MSI2: variants seen among roughly 807,000 people sequenced by gnomAD.
The protein encoded by MSI2 is musashi RNA binding protein 2.
Under a neutral mutation model 45.6 loss-of-function variants are expected in MSI2, and 17 were observed. The ratio of observed to expected loss-of-function variants is 0.37; its 90% confidence interval spans 0.26 to 0.56. The LOEUF (loss-of-function observed/expected upper bound fraction) is 0.56, where lower values mean the gene tolerates loss of function less well. MSI2 is among the 20% of genes least tolerant of loss of function. MSI2 has a pLI of 0.77. For synonymous variants in MSI2, 156 were observed against 158.2 expected (o/e 0.99, Z 0.11); for missense variants, 293 against 444.2 (o/e 0.66, Z 3.06).
At chr17:57,357,024 C>T (rs80122275) in intron 5 of MSI2, among the ~76,000 whole-genome samples, 4,160 of 152,182 alleles carry the variant, frequency 0.027, 90 homozygotes, top group Non-Finnish European at 0.041. Context: ...GCCCAGGGCC[C>T]ATTCAGTAGA....
intron 5 of MSI2, among the ~76,000 whole-genome samples, chr17:57,324,342 G>A (rs1387167901): frequency 2.6e-5 from 4 of 152,174 alleles, no homozygotes; most frequent in African/African-American, 9.7e-5. Flanking sequence ...GCACAGACAG[G>A]AGGCAGCTTT....
intron 8 of MSI2, among the ~76,000 whole-genome samples, chr17:57,606,813 G>T (rs964370015): frequency 1.3e-5 from 2 of 152,044 alleles, no homozygotes; most frequent in African/African-American, 4.8e-5. Flanking sequence ...GCTAGCATCG[G>T]GAAAGGCTTT....
intron 10 of MSI2, among the ~76,000 whole-genome samples, chr17:57,644,400 C>T (rs1419574826): frequency 6.6e-6 from 1 of 152,016 alleles, no homozygotes; most frequent in Non-Finnish European, 1.5e-5. Flanking sequence ...CACTCTCTCC[C>T]CTTTGCAGCC....
rs973610406 is a variant in MSI2, at chr17:57,680,133, G to T, written c.*616G>T. The stretch of plus-strand genomic sequence containing the variant: ...GGTGGGCGTGAGCTTTCTATTTTGC[G>T]TTGTAGAAGAAGTGAGATGTAGTAA... On this transcript the variant is annotated 3_prime_UTR_variant, in exon 14 of 14. Transcript: ENST00000284073. 3 of 227,848 alleles carry T rather than the reference G, an allele frequency of 1.3e-5. No individual in the cohort carries two copies. Among genetic ancestry groups the T allele is most frequent in the African/African-American group, 4.4e-5 (2 of 45,074 alleles). 14.1% of individuals were successfully genotyped at this position (227,848 alleles called of 1,614,324 possible).
intron 10 of MSI2, among the ~76,000 whole-genome samples, chr17:57,637,829 G>A (rs1598480827): frequency 6.6e-6 from 1 of 152,222 alleles, no homozygotes; most frequent in Admixed American, 6.5e-5. Context: ...AGCAGCTACA[G>A]TGAGGGAGGC....
intron 5 of MSI2, among the ~76,000 whole-genome samples, chr17:57,353,629 A>C (rs1487531303): frequency 6.6e-6 from 1 of 152,210 alleles, no homozygotes; most frequent in Non-Finnish European, 1.5e-5. Flanking sequence ...TGCTGAGTCA[A>C]AGTATCTATT....
intron 5 of MSI2, among the ~76,000 whole-genome samples, chr17:57,398,508 T>C (rs1042375274): frequency 3.3e-5 from 5 of 152,250 alleles, no homozygotes; most frequent in Non-Finnish European, 7.3e-5. Context: ...TTTGAAATTA[T>C]AGTGGAAGAC....
chr17:57,274,206 A>C (rs1052100127), intron 5 of MSI2: 1 of 152,222 alleles, frequency 6.6e-6, no homozygotes, highest in African/African-American at 2.4e-5. Flanking sequence ...ATCACCCTGC[A>C]TTTTACACAT....
intron 5 of MSI2, among the ~76,000 whole-genome samples, chr17:57,282,830 G>A (rs556830486): frequency 6.2e-3 from 94 of 15,258 alleles, no homozygotes; most frequent in Non-Finnish European, 0.012. Flanking sequence ...GGGGTGGGGG[G>A]CAGACTTTTT....
the MSI2 span, among the ~76,000 whole-genome samples, chr17:57,690,014 T>G: frequency 6.6e-6 from 1 of 152,192 alleles, no homozygotes; most frequent in African/African-American, 2.4e-5. Flanking sequence ...GGCGAAGACA[T>G]TGGGTCATAT....
chr17:57,350,427 T>C (rs1403829321), intron 5 of MSI2, among the ~76,000 whole-genome samples: 2 of 152,186 alleles, frequency 1.3e-5, no homozygotes, highest in African/African-American at 2.4e-5. Flanking sequence ...CTGGAAACAC[T>C]TGGAGTACTG....
At chr17:57,374,613 C>T (rs958078414) in intron 5 of MSI2, among the ~76,000 whole-genome samples, 2 of 151,968 alleles carry the variant, frequency 1.3e-5, no homozygotes, top group African/African-American at 4.8e-5. Context: ...CCCATCTCTA[C>T]TAATGATACA....
chr17:57,477,091 G>C (rs1276388742), intron 6 of MSI2, among the ~76,000 whole-genome samples: 1 of 151,846 alleles, frequency 6.6e-6, no homozygotes, highest in African/African-American at 2.4e-5. Flanking sequence ...GAAAGGCAGG[G>C]TAGGGTCAAA....
chr17:57,504,510 G>A (rs556830281), intron 6 of MSI2, among the ~76,000 whole-genome samples: 3 of 152,262 alleles, frequency 2.0e-5, no homozygotes, highest in East Asian at 1.9e-4. Flanking sequence ...GTGGGCAGTC[G>A]GAGACATGGA....
intron 11 of MSI2, among the ~76,000 whole-genome samples, chr17:57,663,750 A>T (rs1912174472): frequency 6.6e-6 from 1 of 152,140 alleles, no homozygotes; most frequent in African/African-American, 2.4e-5. Flanking sequence ...AGGTGTGTAA[A>T]ATAGTCGTTA....
At chr17:57,438,203 G>A (rs374626102) in intron 6 of MSI2, among the ~76,000 whole-genome samples, 14 of 152,150 alleles carry the variant, frequency 9.2e-5, no homozygotes, top group African/African-American at 2.9e-4. Context: ...CAGAGGAGTA[G>A]GGTGTGCGGA....
intron 6 of MSI2, among the ~76,000 whole-genome samples, chr17:57,475,041 A>G (rs1039737586): frequency 6.6e-6 from 1 of 152,182 alleles, no homozygotes; most frequent in Non-Finnish European, 1.5e-5. Flanking sequence ...GTACTTTTGA[A>G]TACTAAGGTG....
chr17:57,594,547 A>C (rs8068933), intron 7 of MSI2, among the ~76,000 whole-genome samples: 86,501 of 151,874 alleles, frequency 0.57, 24,927 homozygotes, highest in African/African-American at 0.64. Flanking sequence ...GGCTTGGGGA[A>C]GTGTCGGTGT....
At chr17:57,593,496 C>A (rs937166332) in intron 7 of MSI2, among the ~76,000 whole-genome samples, 1 of 152,186 alleles carries the variant, frequency 6.6e-6, no homozygotes, top group Admixed American at 6.5e-5. Flanking sequence ...ACATGGCCTT[C>A]TTCTCTTTCT....
Sources: gnomAD v4.1 joint callset for allele counts (sites outside exome capture counted in the v4.1 genomes callset) on GRCh38, gnomAD v4.1.1 for gene constraint, MANE v1.5 for transcripts, NCBI Gene and HGNC (gene_info 2026-07-23, HGNC 2026-07-21) for gene names.